The following STK32C variants were observed in gnomAD, a reference collection of about 807,000 sequenced individuals.
STK32C encodes serine/threonine-protein kinase 32C.
Under a neutral mutation model 56.5 loss-of-function variants are expected in STK32C, and 31 were observed. The ratio of observed to expected loss-of-function variants is 0.55; its 90% CI spans 0.41 to 0.74. The LOEUF is 0.74. STK32C is among the 30% of genes least tolerant of loss of function. The probability of loss-of-function intolerance (pLI) is 0.00; values close to 1 mark genes in which losing one functional copy is unlikely to be tolerated. For synonymous variants in STK32C, 309 were observed against 289.4 expected (o/e 1.07, Z -0.69); for missense variants, 544 against 676.9 (o/e 0.80, Z 2.18).
At chr10:132,324,235 T>C in exon 2 of STK32C, 1 of 779,740 alleles carries the variant, frequency 1.3e-6, no homozygotes, top group South Asian at 1.3e-5. Flanking sequence ...AACAATTCAT[T>C]ACACACCCCC....
chr10:132,327,223 A>T lies in STK32C; in HGVS notation c.302-2850T>A, dbSNP rs191428384. On this transcript the variant is annotated intron_variant, in intron 1 of 1. Coordinates refer to the STK32C transcript ENST00000368619. ...ATGTCTCATGAAATCTGATGATTTT[A>T]AAAAGGGGAGTTCCCCTGCACAAGC... is the stretch of plus-strand genomic sequence containing the variant. Among the ~76,000 whole-genome samples, 743 of 152,318 alleles carry T rather than the reference A, an allele frequency of 4.9e-3. 8 individuals are homozygous for T. The highest frequency in any genetic ancestry group is 0.017 in the African/African-American group (710 of 41,566).
rs558739191 is a variant in STK32C at position 132,231,753 on chromosome 10, C to T, written c.319-3625G>A. 2.1e-4 allele frequency among the ~76,000 whole-genome samples: 32 copies of T among 152,248 alleles called. No homozygotes were observed. In the South Asian group the frequency reaches 6.2e-3, roughly 30 times the overall value. The stretch of plus-strand genomic sequence containing the variant: ...AGAGAAGATGACGCAGGCATGGGGG[C>T]GAGGGAGTGTGAAGGTGGAGCAGAG... On this transcript the variant is annotated intron_variant, in intron 2 of 11. Coordinates refer to ENST00000298630, the MANE Select transcript of STK32C (RefSeq NM_173575.4).
intron 1 of STK32C, chr10:132,249,023 T>A (rs773158780): frequency 2.1e-6 from 1 of 469,724 alleles, no homozygotes; most frequent in Admixed American, 2.2e-5. Context: ...ACCTGCGCCC[T>A]GCACACCTGC....
Position 132,324,275 on chromosome 10 carries a change from C to CT in STK32C, c.399dup (p.Ala134SerfsTer18), listed in dbSNP as rs1369455042. ...GATGGGCCACAGAACACACCCCCAG[C>CT]TTTTTCATGGCAGCCTGAAGGCTGC... On this transcript the variant is annotated frameshift_variant, in exon 2 of 2. Transcript: ENST00000368619. LOFTEE classifies it low-confidence loss of function (END_TRUNC). 1 of 779,670 alleles carries CT rather than the reference C, an allele frequency of 1.3e-6. No individual in the cohort carries two copies. The highest frequency in any genetic ancestry group is 1.7e-5 in the African/African-American group (1 of 59,152). The allele number at this position is 779,670 out of a possible 1,614,324, so 48.3% of individuals were successfully genotyped here. A position where few individuals can be genotyped will look rare whatever the true frequency, so the allele number is the denominator to read the frequency against.
chr10:132,242,540 C>A lies in STK32C; in HGVS notation c.318+3360G>T, dbSNP rs541654750. Among the ~76,000 whole-genome samples the A allele has an allele frequency of 8.3e-3, 1,261 of 152,004 alleles. 19 individuals carry two copies. The highest frequency in any genetic ancestry group is 0.028 in the African/African-American group (1,173 of 41,414). The stretch of plus-strand genomic sequence containing the variant: ...CGGCCCAGGAAGAGGGACCCTCCCC[C>A]GGGAGAGGGGCCAGGATCCACCCCC... On this transcript the variant is annotated intron_variant, in intron 2 of 11. Coordinates refer to ENST00000298630, the MANE Select transcript of STK32C (RefSeq NM_173575.4).
At chr10:132,287,837 G>A (rs2065454467) in intron 1 of STK32C, among the ~76,000 whole-genome samples, 1 of 152,134 alleles carries the variant, frequency 6.6e-6, no homozygotes, top group Non-Finnish European at 1.5e-5. Context: ...TCCTCCAGAA[G>A]AGTACAAATA....
At chr10:132,293,241 G>A (rs1014416089) in intron 1 of STK32C, among the ~76,000 whole-genome samples, 1 of 152,292 alleles carries the variant, frequency 6.6e-6, no homozygotes, top group Middle Eastern at 3.4e-3. Context: ...TACTCTCACG[G>A]TCCCTCCACC....
At chr10:132,289,032 A>T (rs925209464) in intron 1 of STK32C, among the ~76,000 whole-genome samples, 8 of 152,236 alleles carry the variant, frequency 5.3e-5, no homozygotes, top group Non-Finnish European at 1.5e-5. Context: ...AAGTTGGTGG[A>T]CATAAAAATC....
Position 132,225,348 on chromosome 10 carries a change from A to G in STK32C, c.773-12T>C, listed in dbSNP as rs1013884829. On this transcript the variant is annotated splice_polypyrimidine_tract_variant and intron_variant, in intron 6 of 11. Transcript: ENST00000298630. The stretch of plus-strand genomic sequence containing the variant: ...GAAGATCTCCGGAGCTTTCCGACAG[A>G]AAGAAGGAAAAACAGCTGCCACGGG... 17 of 1,602,576 alleles carry G rather than the reference A, an allele frequency of 1.1e-5. No individual in the cohort carries two copies. In the Admixed American group the frequency reaches 2.9e-4, roughly 27 times the overall value.
upstream of STK32C, chr10:132,331,913 A>G (rs1246615471): frequency 7.4e-5 from 53 of 719,942 alleles, no homozygotes; most frequent in Admixed American, 1.7e-4. Context: ...CAGGCGCACC[A>G]CAACCCCCCC....
chr10:132,330,825 A>G (rs1283998052), intron 1 of STK32C, among the ~76,000 whole-genome samples: 1 of 151,526 alleles, frequency 6.6e-6, no homozygotes, highest in East Asian at 2.0e-4. Flanking sequence ...AACATTTCTT[A>G]CTGTGATCTC....
chr10:132,208,072 C>T lies in STK32C; in HGVS notation c.1399G>A (p.Glu467Lys), dbSNP rs55812591. 0.02 allele frequency: 25,755 copies of T among 1,310,718 alleles called. 312 individuals carry two copies. Among genetic ancestry groups the T allele is most frequent in the South Asian group, 0.042 (1,312 of 31,504 alleles). The allele number at this position is 1,310,718 out of a possible 1,614,324, so 81.2% of individuals were successfully genotyped here. A position where few individuals can be genotyped will look rare whatever the true frequency, so the allele number is the denominator to read the frequency against. The change falls in exon 12 of 12, where the codon GAG becomes AAG. Residue 467 changes from glutamate (E) to lysine (K), a missense_variant. By Grantham distance (56) the Glu-to-Lys change is moderately conservative. Transcript: ENST00000298630. ...ATGGGCAGGGCGGAGCGTTCCGCCT[C>T]GTCCTCCACAGGCTCCGCAGCATCC... ...SRDAAEPVEDEAERSALPMCG... is the reference protein window; with the variant it reads ...SRDAAEPVEDKAERSALPMCG...
In STK32C at chr10:132,307,735, C is replaced by G. The variant is rs1413946184; in HGVS notation, c.99G>C (p.Ser33=). The change falls in exon 1 of 12, where the codon TCG becomes TCC. Residue 33 remains serine (S), a synonymous_variant. Transcript: ENST00000298630. The surrounding 1 kb of genome is among the most constrained non-coding windows in gnomAD (Gnocchi z 4.4). ...GGCCAGCAGCGGGCGGCGGCAGGGC[C>G]GAGGGCGCGTCGGAGCCGGCGGGGC... ...RARPAGSDAP[S]ALPPPAAGQP... is the part of the protein sequence containing the mutation. 5.3e-6 allele frequency: 6 copies of G among 1,141,032 alleles called. No individual in the cohort carries two copies. Among genetic ancestry groups the G allele is most frequent in the Non-Finnish European group, 5.4e-6 (5 of 928,272 alleles). The allele number at this position is 1,141,032 out of a possible 1,614,324, so 70.7% of individuals were successfully genotyped here.
intron 2 of STK32C, among the ~76,000 whole-genome samples, chr10:132,241,739 A>T (rs1300335119): frequency 6.6e-6 from 1 of 152,188 alleles, no homozygotes; most frequent in Non-Finnish European, 1.5e-5. Flanking sequence ...CAGAGCGGGA[A>T]GCCCAGAGAG....
At chr10:132,243,000 A>C (rs1012638748) in intron 2 of STK32C, among the ~76,000 whole-genome samples, 1 of 152,222 alleles carries the variant, frequency 6.6e-6, no homozygotes, top group African/African-American at 2.4e-5. Flanking sequence ...TACAGGCCAG[A>C]GGGGCCGGGG....
At chr10:132,331,934 CAA>C (rs1491116579), upstream of STK32C, 101,418 of 616,330 alleles carry the variant, frequency 0.16, 10,799 homozygotes, top group Non-Finnish European at 0.21. Flanking sequence ...ACCGCAAGCG[CAA>C]CCCCCCGCCC....
downstream of STK32C, among the ~76,000 whole-genome samples, chr10:132,320,208 G>A (rs949542283): frequency 1.3e-5 from 2 of 152,092 alleles, no homozygotes; most frequent in South Asian, 4.1e-4. Flanking sequence ...ATGGTGGGGG[G>A]TGTGCAGGAT....
chr10:132,331,819 C>G (rs749447423), exon 1 of STK32C: 57 of 1,551,800 alleles, frequency 3.7e-5, no homozygotes, highest in Non-Finnish European at 4.7e-5. Context: ...GACCACCACC[C>G]CTTCAAGGCC....
At chr10:132,295,071 C>A (rs1190140051) in intron 1 of STK32C, among the ~76,000 whole-genome samples, 1 of 152,070 alleles carries the variant, frequency 6.6e-6, no homozygotes, top group Non-Finnish European at 1.5e-5. Context: ...GGAGGCCTGT[C>A]AATTCACACG....
Sources: allele counts gnomAD v4.1 joint callset (sites outside exome capture counted in the v4.1 genomes callset), GRCh38; gene constraint gnomAD v4.1.1; non-coding constraint Gnocchi (gnomAD v3.1); transcripts MANE v1.5; gene names NCBI Gene and HGNC (gene_info 2026-07-23, HGNC 2026-07-21).